PIK3C2A: variants seen among roughly 807,000 people sequenced by gnomAD.
PIK3C2A encodes phosphatidylinositol 4-phosphate 3-kinase C2 domain-containing subunit alpha.
PIK3C2A carries 97 observed loss-of-function variants against 204.5 expected under a neutral mutation model. The observed-to-expected ratio is 0.47, with a 90% CI of 0.40 to 0.56. The LOEUF is 0.56. Ranked by LOEUF, PIK3C2A falls within the 20% of genes least tolerant of loss-of-function variation. The pLI, the probability that PIK3C2A is intolerant of heterozygous loss-of-function variation, is 0.00. For missense variants in PIK3C2A, 1,735 were observed against 1,969.2 expected, an observed-to-expected ratio of 0.88 and a Z score of 2.25; for synonymous variants, 653 against 664.4, an observed-to-expected ratio of 0.98 and a Z score of 0.26.
chr11:17,091,307 A>C lies in PIK3C2A; in HGVS notation c.4878+27T>G, dbSNP rs571146537. 4 of 1,582,626 alleles carry C rather than the reference A, an allele frequency of 2.5e-6. No homozygotes were observed. In the South Asian group the frequency reaches 3.5e-5, roughly 14 times the overall value. ...AAATTAAAAAAATAATAAACCAAGG[A>C]AACTTCTAGAAATGATTTTAACTTA... On this transcript the variant is annotated intron_variant, in intron 32 of 32. Coordinates refer to ENST00000691414, the MANE Select transcript of PIK3C2A (RefSeq NM_002645.4).
In PIK3C2A at chr11:17,096,969, T is replaced by C. The variant is rs934676268; in HGVS notation, c.4326+88A>G. 34 of 765,300 alleles carry C rather than the reference T, an allele frequency of 4.4e-5. No homozygotes were observed. In the Admixed American group the frequency reaches 7.8e-4, roughly 18 times the overall value. The allele number at this position is 765,300 out of a possible 1,614,324, so 47.4% of individuals were successfully genotyped here. ...AAACAAGCATGAATAGAACAAATGC[T>C]TGCAACTTTAGCAGAATCAGCAAAG... On this transcript the variant is annotated intron_variant, in intron 27 of 32. Transcript: ENST00000691414.
At chr11:17,170,542 T>A (rs867887875) in intron 1 of PIK3C2A, among the ~76,000 whole-genome samples, 7 of 152,138 alleles carry the variant, frequency 4.6e-5, no homozygotes, top group South Asian at 2.1e-4. Context: ...TACCAAAATT[T>A]CTCCTTTTCA....
In PIK3C2A at chr11:17,122,241, C is replaced by A. The variant is rs1239625481; in HGVS notation, c.2604G>T (p.Glu868Asp). The stretch of plus-strand genomic sequence containing the variant: ...CAAGAAGTTTCCCTTTTATATCATT[C>A]TCTAGTGTTTCTAAGTTATGTTGCT... ...IIQQHNLETL[E>D]NDIKGKLLDI... Residue 868 changes from glutamate (E) to aspartate (D), a missense_variant, in exon 15 of 33, where the codon GAG becomes GAT. Physicochemically the swap from Glu to Asp is conservative, Grantham distance 45. This residue lies in a region of PIK3C2A where 567 missense variants were observed against 576.0 expected (regional missense o/e 0.98). Coordinates refer to ENST00000691414, the MANE Select transcript of PIK3C2A (RefSeq NM_002645.4). 1 of 1,545,410 alleles carries A rather than the reference C, an allele frequency of 6.5e-7. No homozygotes were observed.
chr11:17,119,183 G>T, intron 17 of PIK3C2A, 37 bp downstream of exon 17: 2 of 1,137,274 alleles, frequency 1.8e-6, no homozygotes, highest in East Asian at 2.4e-5. Flanking sequence ...AAACTAGAGT[G>T]AAAGTATAAA....
intron 1 of PIK3C2A, among the ~76,000 whole-genome samples, chr11:17,190,962 T>G (rs1853647355): frequency 6.6e-6 from 1 of 152,094 alleles, no homozygotes; most frequent in South Asian, 2.1e-4. Context: ...AAGAAAGACA[T>G]CAACCAAACA....
chr11:17,153,925 C>T (rs1256012577), intron 3 of PIK3C2A, among the ~76,000 whole-genome samples: 4 of 152,166 alleles, frequency 2.6e-5, no homozygotes, highest in Non-Finnish European at 5.9e-5. Flanking sequence ...TCCATGGTCA[C>T]CACAGGGGAA....
rs1850275566 is a variant in PIK3C2A at position 17,147,383 on chromosome 11, A to G, written c.1560+134T>C. 1.3e-5 allele frequency: 8 copies of G among 596,994 alleles called. No homozygotes were observed. In the South Asian group the frequency reaches 1.8e-4, roughly 13 times the overall value. The allele number at this position is 596,994 out of a possible 1,614,324, so 37.0% of individuals were successfully genotyped here. A position where few individuals can be genotyped will look rare whatever the true frequency, so the allele number is the denominator to read the frequency against. On this transcript the variant is annotated intron_variant, in intron 6 of 32. Transcript: ENST00000691414. ...ACATCTCCCCTCATTTGCTAAGAAG[A>G]TTCCTGTTGAGGATGAGTTCATCAC...
intron 19 of PIK3C2A, among the ~76,000 whole-genome samples, chr11:17,117,275 T>C (rs1159736563): frequency 6.6e-6 from 1 of 152,118 alleles, no homozygotes; most frequent in Non-Finnish European, 1.5e-5. Context: ...AGCATGGAAA[T>C]AAATAAGCAT....
At chr11:17,093,318 G>A (rs1422436773) in intron 28 of PIK3C2A, among the ~76,000 whole-genome samples, 1 of 152,214 alleles carries the variant, frequency 6.6e-6, no homozygotes, top group Non-Finnish European at 1.5e-5. Flanking sequence ...CCAGGCTGGA[G>A]TGCAGTGGTG....
chr11:17,146,157 A>C (rs1468856532), intron 6 of PIK3C2A, among the ~76,000 whole-genome samples: 1 of 152,222 alleles, frequency 6.6e-6, no homozygotes, highest in East Asian at 1.9e-4. Flanking sequence ...TAAATGGAAA[A>C]CATAAATGCT....
intron 1 of PIK3C2A, among the ~76,000 whole-genome samples, chr11:17,202,087 C>T (rs1318876681): frequency 6.6e-6 from 1 of 151,936 alleles, no homozygotes; most frequent in Non-Finnish European, 1.5e-5. Flanking sequence ...GAAACCCCAT[C>T]TCTACCAAAA....
Position 17,112,627 on chromosome 11 carries a change from CT to C in PIK3C2A, c.3360del (p.Val1121SerfsTer4). ...ATAGGGTCAGCATTCACCATTGTGA[CT>C]TTTAGGGGGACAGCATTAGAACTGA... Reference protein sequence around the residue: ...SFFSSNAVPLKVTMVNADPMG... With the variant: ...SFFSSNAVPLXVTMVNADPMG... On this transcript the variant is annotated frameshift_variant, in exon 21 of 33. Transcript: ENST00000691414. LOFTEE classifies it high-confidence loss of function. 1 of 1,556,920 alleles carries C rather than the reference CT, an allele frequency of 6.4e-7. No individual in the cohort carries two copies. The highest frequency in any genetic ancestry group is 2.4e-5 in the East Asian group (1 of 42,270).
At chr11:17,113,339 T>C (rs1187505351) in intron 20 of PIK3C2A, among the ~76,000 whole-genome samples, 1 of 152,148 alleles carries the variant, frequency 6.6e-6, no homozygotes, top group Non-Finnish European at 1.5e-5. Context: ...AATGTCTTAA[T>C]CCATCAACAG....
intron 22 of PIK3C2A, among the ~76,000 whole-genome samples, chr11:17,109,825 T>C (rs1226170974): frequency 6.6e-6 from 1 of 152,152 alleles, no homozygotes; most frequent in African/African-American, 2.4e-5. Context: ...TGAGAGCCAC[T>C]GCACCCAGAG....
At chr11:17,098,024 A>G (rs553929700) in intron 26 of PIK3C2A, among the ~76,000 whole-genome samples, 5 of 152,240 alleles carry the variant, frequency 3.3e-5, no homozygotes, top group Admixed American at 6.5e-5. Context: ...TCAGGTAATC[A>G]TATTTTCATT....
chr11:17,178,965 A>C (rs1385766714), intron 1 of PIK3C2A, among the ~76,000 whole-genome samples: 6 of 150,264 alleles, frequency 4.0e-5, no homozygotes, highest in Non-Finnish European at 7.4e-5. Flanking sequence ...TCCTGACCTC[A>C]TGATCCACCC....
chr11:17,107,247 A>G (rs1487862914), intron 22 of PIK3C2A, among the ~76,000 whole-genome samples: 1 of 152,200 alleles, frequency 6.6e-6, no homozygotes, highest in Non-Finnish European at 1.5e-5. Context: ...CAGGAGGCGG[A>G]GCTTGCAGTG....
intron 3 of PIK3C2A, among the ~76,000 whole-genome samples, chr11:17,154,804 G>A (rs888993619): frequency 6.6e-6 from 1 of 152,150 alleles, no homozygotes; most frequent in Non-Finnish European, 1.5e-5. Context: ...CCTGAATCTT[G>A]CTGTTAATGA....
chr11:17,193,130 G>T (rs769368834), intron 1 of PIK3C2A, among the ~76,000 whole-genome samples: 83 of 152,224 alleles, frequency 5.5e-4, no homozygotes, highest in Non-Finnish European at 1.0e-3. Context: ...GCCCTCACCA[G>T]ATGCCAAGCG....
Sources: allele counts gnomAD v4.1 joint callset (sites outside exome capture counted in the v4.1 genomes callset), GRCh38; gene constraint gnomAD v4.1.1; regional missense constraint gnomAD v4.1.1; transcripts MANE v1.5; gene names NCBI Gene and HGNC (gene_info 2026-07-23, HGNC 2026-07-21).